GRID2: variants seen among roughly 807,000 people sequenced by gnomAD.
GRID2 encodes glutamate ionotropic receptor delta type subunit 2, also known as glutamate receptor ionotropic, delta-2.
In GRID2, 33 loss-of-function variants were observed where a neutral mutation model predicts 114.8. That is an observed-to-expected ratio of 0.29 (90% CI 0.22 to 0.38). The LOEUF is 0.38. Ranked by LOEUF, GRID2 falls within the 10% of genes least tolerant of loss-of-function variation. The pLI is 1.00. For synonymous variants in GRID2, 505 were observed against 449.9 expected (o/e 1.12, Z -1.55); for missense variants, 1,184 against 1,257.7 (o/e 0.94, Z 0.89).
intron 14 of GRID2, among the ~76,000 whole-genome samples, chr4:93,748,592 C>T (rs1732046673): frequency 6.6e-6 from 1 of 152,192 alleles, no homozygotes; most frequent in Non-Finnish European, 1.5e-5. Context: ...TAAGTGATTA[C>T]AGGAATCGAA....
chr4:92,815,371 A>T (rs1740844608), intron 2 of GRID2, among the ~76,000 whole-genome samples: 1 of 152,136 alleles, frequency 6.6e-6, no homozygotes, highest in African/African-American at 2.4e-5. Flanking sequence ...AAATTAATAA[A>T]ATGGGCTTGC....
chr4:93,358,216 T>C (rs932248535), intron 8 of GRID2, among the ~76,000 whole-genome samples: 4 of 151,904 alleles, frequency 2.6e-5, no homozygotes, highest in Admixed American at 1.3e-4. Flanking sequence ...CTTTAGTTCC[T>C]ATATTAAATG....
At chr4:93,540,303 GC>G (rs1242347801) in intron 13 of GRID2, among the ~76,000 whole-genome samples, 1 of 151,888 alleles carries the variant, frequency 6.6e-6, no homozygotes, top group African/African-American at 2.4e-5. Flanking sequence ...GTATGGATTG[GC>G]CTTTAACATT....
At chr4:93,019,952 A>G (rs1045394958) in intron 2 of GRID2, among the ~76,000 whole-genome samples, 1 of 152,152 alleles carries the variant, frequency 6.6e-6, no homozygotes, top group African/African-American at 2.4e-5. Flanking sequence ...GAGGTAAGAG[A>G]ATGCATTGTG....
intron 1 of GRID2, among the ~76,000 whole-genome samples, chr4:92,379,595 A>G (rs1324292845): frequency 6.6e-6 from 1 of 152,024 alleles, no homozygotes; most frequent in East Asian, 1.9e-4. Flanking sequence ...TTTATAATCT[A>G]TTATTTTACA....
At chr4:92,615,295 C>T (rs1729956116) in intron 2 of GRID2, among the ~76,000 whole-genome samples, 2 of 151,468 alleles carry the variant, frequency 1.3e-5, no homozygotes. Context: ...GGACACTAAT[C>T]CCATCATGAG....
chr4:93,506,397 C>G (rs2149480272), intron 12 of GRID2, among the ~76,000 whole-genome samples: 1 of 152,286 alleles, frequency 6.6e-6, no homozygotes, highest in South Asian at 2.1e-4. Context: ...ATGAATCTTG[C>G]TGCGCACTTT....
chr4:92,340,922 G>C (rs1727447805), intron 1 of GRID2, among the ~76,000 whole-genome samples: 2 of 152,060 alleles, frequency 1.3e-5, no homozygotes, highest in Admixed American at 1.3e-4. Flanking sequence ...TATGGGTCAA[G>C]TATTTTTACA....
At chr4:92,614,834 G>T (rs1729929303) in intron 2 of GRID2, among the ~76,000 whole-genome samples, 2 of 151,314 alleles carry the variant, frequency 1.3e-5, no homozygotes, top group South Asian at 4.2e-4. Context: ...GTCTATCTTT[G>T]ATTCTGTCAT....
intron 8 of GRID2, among the ~76,000 whole-genome samples, chr4:93,370,462 A>C (rs201049097): frequency 7.9e-5 from 11 of 139,944 alleles, no homozygotes; most frequent in Admixed American, 1.4e-4. Flanking sequence ...CGCACACACA[A>C]ACACGCACAC....
At chr4:92,498,534 C>T (rs897324738) in intron 1 of GRID2, among the ~76,000 whole-genome samples, 24 of 151,742 alleles carry the variant, frequency 1.6e-4, no homozygotes, top group African/African-American at 5.6e-4. Flanking sequence ...ATATCATTTG[C>T]TTTTAAAAAT....
At chr4:93,301,041 G>A (rs1212654484) in intron 8 of GRID2, among the ~76,000 whole-genome samples, 5 of 152,180 alleles carry the variant, frequency 3.3e-5, no homozygotes, top group East Asian at 3.9e-4. Context: ...GCCTGACACC[G>A]GGCTGCCTGT....
At chr4:92,703,644 T>TATATATAA (rs1491446004) in intron 2 of GRID2, among the ~76,000 whole-genome samples, 1 of 138,846 alleles carries the variant, frequency 7.2e-6, no homozygotes, top group African/African-American at 2.6e-5. Context: ...TATATATATA[T>TATATATAA]AAAATCATGA....
chr4:93,076,610 CTTTTTTTTT>C (rs56357327), intron 2 of GRID2, among the ~76,000 whole-genome samples: 2 of 96,980 alleles, frequency 2.1e-5, no homozygotes, highest in Non-Finnish European at 3.8e-5. Context: ...TCACCAACCT[CTTTTTTTTT>C]TTTTTTTTTT....
chr4:92,334,816 G>C (rs1218974566), intron 1 of GRID2, among the ~76,000 whole-genome samples: 2 of 152,126 alleles, frequency 1.3e-5, no homozygotes, highest in East Asian at 3.9e-4. Flanking sequence ...CTCTATCTTG[G>C]CTTTCAGCCT....
chr4:93,252,157 G>C (rs1387636452), intron 8 of GRID2, among the ~76,000 whole-genome samples: 4 of 151,946 alleles, frequency 2.6e-5, no homozygotes, highest in African/African-American at 9.7e-5. Flanking sequence ...TGTTCTGAAT[G>C]GTATTGCCTA....
chr4:92,944,201 A>C (rs1046186202), intron 2 of GRID2, among the ~76,000 whole-genome samples: 7 of 152,330 alleles, frequency 4.6e-5, no homozygotes, highest in South Asian at 2.1e-4. Flanking sequence ...AGAGGCAGGC[A>C]GGCCTCCTTG....
At chr4:93,502,789 C>A (rs1040590616) in intron 12 of GRID2, among the ~76,000 whole-genome samples, 11 of 149,840 alleles carry the variant, frequency 7.3e-5, no homozygotes, top group Non-Finnish European at 1.3e-4. Flanking sequence ...AGCCCAGATG[C>A]TAAAGAGGGA....
At chr4:92,987,721 A>C (rs567125900) in intron 2 of GRID2, among the ~76,000 whole-genome samples, 1 of 152,030 alleles carries the variant, frequency 6.6e-6, no homozygotes, top group African/African-American at 2.4e-5. Context: ...TTATTGAATG[A>C]ATTTAGACTT....
Sources: gnomAD v4.1 joint callset for allele counts (sites outside exome capture counted in the v4.1 genomes callset) on GRCh38, gnomAD v4.1.1 for gene constraint, MANE v1.5 for transcripts, NCBI Gene and HGNC (gene_info 2026-07-23, HGNC 2026-07-21) for gene names.